NGEF: variants seen among roughly 807,000 people sequenced by gnomAD.
NGEF encodes the protein ephexin-1.
NGEF carries 31 observed loss-of-function variants against 80.9 expected under a neutral mutation model. The ratio of observed to expected loss-of-function variants is 0.38; its 90% CI spans 0.29 to 0.52. NGEF has a LOEUF of 0.52. Among genes scored for constraint, NGEF ranks in the 20% least tolerant of loss-of-function variants. The probability of loss-of-function intolerance (pLI) is 0.84; values close to 1 mark genes in which losing one functional copy is unlikely to be tolerated. For synonymous variants in NGEF, 371 were observed against 370.2 expected, an observed-to-expected ratio of 1.00 and a Z score of -0.03; for missense variants, 709 against 926.2, an observed-to-expected ratio of 0.77 and a Z score of 3.04.
chr2:232,993,831 T>C (rs1381138716), intron 1 of NGEF, among the ~76,000 whole-genome samples: 3 of 152,096 alleles, frequency 2.0e-5, no homozygotes, highest in Non-Finnish European at 1.5e-5. Flanking sequence ...CCACATATTG[T>C]ATGATTGCAT....
chr2:232,901,541 G>T, intron 5 of NGEF: 1 of 689,414 alleles, frequency 1.5e-6, no homozygotes, highest in Non-Finnish European at 1.8e-6. Flanking sequence ...ATCTGCGGGG[G>T]TCGGAGCCAA....
At chr2:232,927,514 C>G (rs1363176556) in intron 3 of NGEF, among the ~76,000 whole-genome samples, 1 of 152,186 alleles carries the variant, frequency 6.6e-6, no homozygotes, top group Non-Finnish European at 1.5e-5. Flanking sequence ...CGACGGGTCC[C>G]GCGGCCAGGA....
chr2:232,916,382 A>G (rs1575014414), intron 5 of NGEF, among the ~76,000 whole-genome samples: 1 of 152,230 alleles, frequency 6.6e-6, no homozygotes, highest in East Asian at 1.9e-4. Flanking sequence ...GGAGCTGAGA[A>G]ACCTAGGCAG....
At chr2:232,951,166 C>G (rs1341252911) in intron 3 of NGEF, among the ~76,000 whole-genome samples, 1 of 152,176 alleles carries the variant, frequency 6.6e-6, no homozygotes, top group Non-Finnish European at 1.5e-5. Context: ...ACAACAGCTC[C>G]CAGATGGACA....
chr2:232,943,882 T>C (rs1381293015), intron 3 of NGEF, among the ~76,000 whole-genome samples: 1 of 152,024 alleles, frequency 6.6e-6, no homozygotes, highest in Non-Finnish European at 1.5e-5. Context: ...ACATTCCTGA[T>C]TGGAGAACAA....
rs761037996 is a variant in NGEF at position 232,879,512 on chromosome 2, G to T, written c.2110C>A (p.Leu704Met). The T allele has an allele frequency of 1.8e-5, 29 of 1,600,700 alleles. No homozygotes were observed. Among genetic ancestry groups the T allele is most frequent in the Non-Finnish European group, 2.5e-5 (29 of 1,171,190 alleles). ...QRSQNKDRRK[L>M]GSRNRQ ...GGTCATTGCCGATTCCGGCTGCCCA[G>T]CTTCCTGCGGTCCTTGTTCTGGCTG... Residue 704 changes from leucine (L) to methionine (M), a missense_variant, in exon 15 of 15, where the codon CTG becomes ATG. Physicochemically the swap from Leu to Met is conservative, Grantham distance 15. This residue lies in a region of NGEF where 426 missense variants were observed against 622.9 expected (regional missense o/e 0.68). Transcript: ENST00000264051.
intron 3 of NGEF, among the ~76,000 whole-genome samples, chr2:232,953,639 C>T (rs544774024): frequency 2.0e-5 from 3 of 152,186 alleles, no homozygotes; most frequent in South Asian, 4.2e-4. Flanking sequence ...TGCCCAGAGC[C>T]GGGGTCTTCT....
intron 1 of NGEF, among the ~76,000 whole-genome samples, chr2:233,006,935 C>G (rs1308969395): frequency 6.6e-6 from 1 of 152,172 alleles, no homozygotes; most frequent in Non-Finnish European, 1.5e-5. Flanking sequence ...CTGTTTCTCA[C>G]CACCTTTAAT....
intron 3 of NGEF, among the ~76,000 whole-genome samples, chr2:232,965,478 C>A (rs1694038564): frequency 6.6e-6 from 1 of 152,060 alleles, no homozygotes; most frequent in African/African-American, 2.4e-5. Context: ...GGATGACAGA[C>A]CTGACTCAGA....
At chr2:232,925,175 C>G (rs1457656674) in intron 4 of NGEF, among the ~76,000 whole-genome samples, 5 of 152,230 alleles carry the variant, frequency 3.3e-5, no homozygotes, top group Non-Finnish European at 5.9e-5. Flanking sequence ...CCACTTGGAG[C>G]CTTCATCCTG....
At chr2:232,917,116 G>A (rs1208212545) in intron 5 of NGEF, among the ~76,000 whole-genome samples, 1 of 152,220 alleles carries the variant, frequency 6.6e-6, no homozygotes, top group Non-Finnish European at 1.5e-5. Context: ...AATTCTCAGT[G>A]GAAAGGGAGT....
At chr2:232,968,092 G>GTTTTTTTTTTTTTTTTTTTT (rs529799953) in intron 3 of NGEF, among the ~76,000 whole-genome samples, 3 of 107,208 alleles carry the variant, frequency 2.8e-5, no homozygotes, top group African/African-American at 5.1e-5. Flanking sequence ...AACAGACCTG[G>GTTTTTTTTTTTTTTTTTTTT]CTTTTTTTTT....
chr2:232,976,039 A>G (rs1174150472), intron 1 of NGEF, among the ~76,000 whole-genome samples: 1 of 152,094 alleles, frequency 6.6e-6, no homozygotes, highest in African/African-American at 2.4e-5. Context: ...TGTCTCTACT[A>G]AAAATATAAA....
chr2:232,884,335 C>G (rs1409083508), intron 10 of NGEF, among the ~76,000 whole-genome samples, 191 bp from the exon 11 acceptor site: 1 of 152,128 alleles, frequency 6.6e-6, no homozygotes, highest in African/African-American at 2.4e-5. Flanking sequence ...TGTGTGTGAA[C>G]ATGCACCCCT....
chr2:232,956,781 TAAAAA>T (rs57407464), intron 3 of NGEF, among the ~76,000 whole-genome samples: 5 of 62,134 alleles, frequency 8.0e-5, no homozygotes, highest in African/African-American at 1.2e-4. Context: ...AGACTCCATC[TAAAAA>T]AAAAAAAAAA....
chr2:232,904,376 G>A (rs1692442057), intron 5 of NGEF, among the ~76,000 whole-genome samples: 1 of 152,084 alleles, frequency 6.6e-6, no homozygotes, highest in Non-Finnish European at 1.5e-5. Flanking sequence ...CTACAGGCAT[G>A]TGCCACCATG....
intron 3 of NGEF, among the ~76,000 whole-genome samples, chr2:232,938,803 TG>T (rs1693383045): frequency 2.0e-5 from 3 of 151,088 alleles, no homozygotes; most frequent in Non-Finnish European, 4.4e-5. Context: ...GGGTGAAATT[TG>T]AAGTGAATGA....
intron 3 of NGEF, among the ~76,000 whole-genome samples, chr2:232,969,355 T>C (rs915738318): frequency 4.6e-5 from 7 of 151,668 alleles, no homozygotes; most frequent in African/African-American, 1.7e-4. Context: ...AACAATCTTC[T>C]GGCCTCAGCC....
At chr2:232,925,504 G>A (rs1262606036) in intron 4 of NGEF, among the ~76,000 whole-genome samples, 1 of 152,184 alleles carries the variant, frequency 6.6e-6, no homozygotes, top group Non-Finnish European at 1.5e-5. Flanking sequence ...GCACAGTGAC[G>A]CCCCAAACGA....
Sources: gnomAD v4.1 joint callset for allele counts (sites outside exome capture counted in the v4.1 genomes callset) on GRCh38, gnomAD v4.1.1 for gene constraint, gnomAD v4.1.1 regional missense constraint, MANE v1.5 for transcripts, NCBI Gene and HGNC (gene_info 2026-07-23, HGNC 2026-07-21) for gene names.